Variants in ALG9 observed in about 807,000 individuals in gnomAD.
ALG9 encodes ALG9 alpha-1,2-mannosyltransferase, also known as alpha-1,2-mannosyltransferase ALG9.
ALG9 carries 55 observed loss-of-function variants against 81.8 expected under a neutral mutation model. That is an observed-to-expected ratio of 0.67 (90% CI 0.54 to 0.84). ALG9 has a LOEUF of 0.84. Among genes scored for constraint, ALG9 ranks in the 40% least tolerant of loss-of-function variants. ALG9 has a pLI of 0.00. For missense variants in ALG9, 629 were observed against 745.0 expected, an observed-to-expected ratio of 0.84 and a Z score of 1.81; for synonymous variants, 278 against 274.3, an observed-to-expected ratio of 1.01 and a Z score of -0.13.
At chr11:111,791,889 C>T (rs536917419) in intron 14 of ALG9, among the ~76,000 whole-genome samples, 104 of 152,290 alleles carry the variant, frequency 6.8e-4, no homozygotes, top group Non-Finnish European at 1.1e-3. Flanking sequence ...GTCAGGAGTT[C>T]GAGACCAGTC....
chr11:111,786,720 T>C (rs1233580738), intron 14 of ALG9, among the ~76,000 whole-genome samples, 200 bp from the exon 15 acceptor site: 2 of 152,032 alleles, frequency 1.3e-5, no homozygotes, highest in East Asian at 3.9e-4. Flanking sequence ...TAAACGAAAA[T>C]TTATTATTGT....
At chr11:111,823,901 T>C (rs1054410609) in intron 13 of ALG9, among the ~76,000 whole-genome samples, 3 of 152,222 alleles carry the variant, frequency 2.0e-5, no homozygotes, top group East Asian at 1.9e-4. Context: ...AGTAAGCCAC[T>C]ACCAATTGAT....
chr11:111,839,445 C>T (rs900358332), intron 10 of ALG9, among the ~76,000 whole-genome samples: 1 of 151,780 alleles, frequency 6.6e-6, no homozygotes, highest in Non-Finnish European at 1.5e-5. Context: ...ATTAGCCGGG[C>T]GTGGTGGCGG....
At chr11:111,805,139 CAA>C (rs1949726517) in intron 14 of ALG9, 1 of 388,820 alleles carries the variant, frequency 2.6e-6, no homozygotes, top group Non-Finnish European at 5.1e-6. Context: ...GGAATTAGGT[CAA>C]AAGAGTGGAG....
chr11:111,869,035 T>A (rs535701923), intron 2 of ALG9, among the ~76,000 whole-genome samples: 2 of 151,858 alleles, frequency 1.3e-5, no homozygotes, highest in East Asian at 3.9e-4. Context: ...GCCAGGAGAA[T>A]CACTTGAGCC....
At chr11:111,821,928 C>A (rs541512799) in intron 13 of ALG9, among the ~76,000 whole-genome samples, 1 of 152,288 alleles carries the variant, frequency 6.6e-6, no homozygotes, top group South Asian at 2.1e-4. Flanking sequence ...GCCACCACGC[C>A]CGGCTACCCA....
In ALG9 at chr11:111,786,492, C is replaced by A. The variant is rs150225347; in HGVS notation, c.1762G>T (p.Val588Phe). 219 of 1,613,912 alleles carry A rather than the reference C, an allele frequency of 1.4e-4. No homozygotes were observed. The African/African-American group carries it at 2.6e-3, about 19-fold the overall frequency. Reference sequence around the variant, plus strand: ...GTATACTGATCTGACAGGAAGGGGACATAGAATGCCCGCAGCAGCTTTGAA... The same window carrying A: ...GTATACTGATCTGACAGGAAGGGGAAATAGAATGCCCGCAGCAGCTTTGAA... ...RSSKLLRAFY[V>F]PFLSDQYTVY... is the part of the protein sequence containing the mutation. The change falls in exon 15 of 15, where the codon GTC becomes TTC. Residue 588 changes from valine to phenylalanine, a missense_variant. Around this residue, in one of 3 missense-constraint regions of ALG9, gnomAD observed 264 missense variants for 302.2 expected, o/e 0.87. Coordinates refer to ENST00000616540, the MANE Select transcript of ALG9 (RefSeq NM_024740.2).
Position 111,871,398 on chromosome 11 carries a change from C to A in ALG9, c.85G>T (p.Glu29Ter), listed in dbSNP as rs1555158845. The change falls in exon 1 of 15, where the codon GAG becomes TAG. Residue 29 changes from glutamate to a stop codon, truncating the protein, a stop_gained. Coordinates refer to ENST00000616540, the MANE Select transcript of ALG9 (RefSeq NM_024740.2). LOFTEE classifies it high-confidence loss of function. ...DTAPAADKLR[E>*]LLGSREAGGA... is the part of the protein sequence containing the mutation. Reference sequence around the variant, plus strand: ...CCCGCCTCTCGGCTGCCCAGCAGCTCCCGCAGCTTGTCCGCAGCCGGGGCC... The same window carrying A: ...CCCGCCTCTCGGCTGCCCAGCAGCTACCGCAGCTTGTCCGCAGCCGGGGCC... 6.5e-7 allele frequency: 1 copy of A among 1,534,958 alleles called. No individual in the cohort carries two copies. The highest frequency in any genetic ancestry group is 2.4e-5 in the East Asian group (1 of 40,882).
At chr11:111,822,272 G>T (rs537066464) in intron 13 of ALG9, among the ~76,000 whole-genome samples, 5 of 151,928 alleles carry the variant, frequency 3.3e-5, no homozygotes, top group African/African-American at 1.2e-4. Flanking sequence ...AGCCAGGCAC[G>T]GTGGCACGTG....
chr11:111,821,622 C>G (rs566222413), intron 13 of ALG9, among the ~76,000 whole-genome samples: 67 of 152,188 alleles, frequency 4.4e-4, no homozygotes, highest in African/African-American at 1.6e-3. Flanking sequence ...ATAGTGACTT[C>G]CGCTGTTTCC....
At chr11:111,808,437 G>A (rs1950236603) in intron 14 of ALG9, among the ~76,000 whole-genome samples, 1 of 152,128 alleles carries the variant, frequency 6.6e-6, no homozygotes, top group South Asian at 2.1e-4. Context: ...CAGCCTTCCT[G>A]CTAGTCCAGC....
chr11:111,859,043 A>C (rs1183141527), intron 5 of ALG9, among the ~76,000 whole-genome samples: 1 of 152,084 alleles, frequency 6.6e-6, no homozygotes, highest in Non-Finnish European at 1.5e-5. Context: ...CCATCTCTAC[A>C]AAAAACTTTA....
At chr11:111,817,311 G>A (rs1951640114) in intron 13 of ALG9, 1 of 152,248 alleles carries the variant, frequency 6.6e-6, no homozygotes, top group Non-Finnish European at 1.5e-5. Context: ...GCTGAAGTAA[G>A]CACTCTAGTT....
chr11:111,833,016 A>T (rs1954644540), intron 13 of ALG9, among the ~76,000 whole-genome samples: 1 of 152,226 alleles, frequency 6.6e-6, no homozygotes, highest in Non-Finnish European at 1.5e-5. Flanking sequence ...TGGGTGACAG[A>T]GCAAGATCCA....
At chr11:111,776,646 C>G in the ALG9 span, among the ~76,000 whole-genome samples, 1 of 152,078 alleles carries the variant, frequency 6.6e-6, no homozygotes, top group Non-Finnish European at 1.5e-5. Flanking sequence ...CCCTCCTAAA[C>G]CTAAAACCAG....
chr11:111,781,148 C>T (rs1018270186), downstream of ALG9, among the ~76,000 whole-genome samples: 3 of 152,190 alleles, frequency 2.0e-5, no homozygotes, highest in Admixed American at 6.5e-5. Context: ...AGCATCCTTT[C>T]TTCAAACAAT....
chr11:111,862,336 T>A (rs1960548159), intron 4 of ALG9, among the ~76,000 whole-genome samples: 1 of 151,372 alleles, frequency 6.6e-6, no homozygotes, highest in Non-Finnish European at 1.5e-5. Context: ...TGAGTTCAAG[T>A]GATTCTCGTG....
chr11:111,849,186 G>T (rs1957375496), intron 8 of ALG9, among the ~76,000 whole-genome samples: 1 of 152,024 alleles, frequency 6.6e-6, no homozygotes, highest in African/African-American at 2.4e-5. Flanking sequence ...GAGTAGCTAG[G>T]ATTAAAGGCA....
intron 14 of ALG9, chr11:111,805,357 T>C (rs1364207257): frequency 8.8e-6 from 4 of 455,430 alleles, no homozygotes; most frequent in Non-Finnish European, 1.8e-5. Context: ...ACCCAGTTTA[T>C]GGTCATTTGT....
Sources: gnomAD v4.1 joint callset for allele counts (sites outside exome capture counted in the v4.1 genomes callset) on GRCh38, gnomAD v4.1.1 for gene constraint, gnomAD v4.1.1 regional missense constraint, MANE v1.5 for transcripts, NCBI Gene and HGNC (gene_info 2026-07-23, HGNC 2026-07-21) for gene names.